CCBE1: variants seen among roughly 807,000 people sequenced by gnomAD.
CCBE1 encodes the protein collagen and calcium-binding EGF domain-containing protein 1.
Under a neutral mutation model 50.0 loss-of-function variants are expected in CCBE1, and 37 were observed. The observed-to-expected ratio is 0.74, with a 90% confidence interval of 0.57 to 0.97. The LOEUF (loss-of-function observed/expected upper bound fraction) is 0.97. Among genes scored for constraint, CCBE1 ranks in the 50% least tolerant of loss-of-function variants. The probability of loss-of-function intolerance (pLI) is 0.00; values close to 1 mark genes in which losing one functional copy is unlikely to be tolerated. For missense variants in CCBE1, 538 were observed against 523.8 expected, an observed-to-expected ratio of 1.03 and a Z score of -0.26; for synonymous variants, 234 against 203.7, an observed-to-expected ratio of 1.15 and a Z score of -1.27.
chr18:59,641,232 G>A (rs1238703335), intron 2 of CCBE1, among the ~76,000 whole-genome samples: 1 of 117,988 alleles, frequency 8.5e-6, no homozygotes, highest in African/African-American at 4.2e-5. Context: ...ACATTACAAT[G>A]GATAAAAAAA....
chr18:59,457,193 G>T (rs773805041), intron 5 of CCBE1, among the ~76,000 whole-genome samples: 1 of 152,308 alleles, frequency 6.6e-6, no homozygotes, highest in South Asian at 2.1e-4. Flanking sequence ...CTTTCTAGGC[G>T]AATTCCCGTA....
intron 2 of CCBE1, among the ~76,000 whole-genome samples, chr18:59,653,259 A>T (rs2054148699): frequency 1.3e-5 from 2 of 152,186 alleles, no homozygotes; most frequent in South Asian, 4.1e-4. Context: ...GGGTCTGGTG[A>T]GAACCAAACC....
intron 2 of CCBE1, among the ~76,000 whole-genome samples, chr18:59,669,728 CT>C (rs1187554277): frequency 6.6e-6 from 1 of 152,236 alleles, no homozygotes; most frequent in African/African-American, 2.4e-5. Context: ...TCTCCCCGAA[CT>C]TCCGGAGGGG....
At chr18:59,574,524 A>G (rs151260079) in intron 2 of CCBE1, among the ~76,000 whole-genome samples, 9 of 152,344 alleles carry the variant, frequency 5.9e-5, no homozygotes, top group African/African-American at 2.2e-4. Context: ...GATTTCACAA[A>G]CTTCCTCCCA....
At chr18:59,593,833 TC>T (rs2053310059) in intron 2 of CCBE1, among the ~76,000 whole-genome samples, 1 of 152,242 alleles carries the variant, frequency 6.6e-6, no homozygotes, top group African/African-American at 2.4e-5. Flanking sequence ...AACCCATTGG[TC>T]ACTGCAAGTA....
At position 59,685,003 on chromosome 18, in the gene CCBE1, T is replaced by TA. The variant is rs199761491; in HGVS notation, c.212+11625dup. Among the ~76,000 whole-genome samples, 132 of 151,724 alleles carry TA rather than the reference T, an allele frequency of 8.7e-4. 2 individuals are homozygous for TA. Among genetic ancestry groups the TA allele is most frequent in the African/African-American group, 2.7e-3 (112 of 41,412 alleles). Reference sequence around the variant, plus strand: ...CATGTAGATGTCCCATCATACCATGTAAAAAAAAATGTGTTTGATACTCAC... The same window carrying TA: ...CATGTAGATGTCCCATCATACCATGTAAAAAAAAAATGTGTTTGATACTCAC... On this transcript the variant is annotated intron_variant, in intron 2 of 10. Transcript: ENST00000439986.
chr18:59,628,629 A>T (rs2053816133), intron 2 of CCBE1, among the ~76,000 whole-genome samples: 1 of 152,130 alleles, frequency 6.6e-6, no homozygotes, highest in South Asian at 2.1e-4. Context: ...ACGTTCCAAA[A>T]CCTGGGATCA....
rs1910035499 is a variant in CCBE1, at chr18:59,433,891, C to CTTTTTTTGTTTTT, written c.*2016_*2017insAAAAACAAAAAAA. ...ACAGGCATGAGCCACCAAGCCCGGC[C>CTTTTTTTGTTTTT]TTTTTTTTTTTTTTTTTTTTTTTTT... On this transcript the variant is annotated 3_prime_UTR_variant, in exon 11 of 11. Coordinates refer to ENST00000439986, the MANE Select transcript of CCBE1 (RefSeq NM_133459.4). 1.4e-5 allele frequency: 1 copy of CTTTTTTTGTTTTT among 70,064 alleles called. No homozygotes were observed. The highest frequency in any genetic ancestry group is 6.1e-5 in the African/African-American group (1 of 16,450). The allele number at this position is 70,064 out of a possible 1,614,324, so 4.3% of individuals were successfully genotyped here.
At chr18:59,539,207 CA>C (rs556723864) in intron 2 of CCBE1, among the ~76,000 whole-genome samples, 1 of 131,654 alleles carries the variant, frequency 7.6e-6, no homozygotes, top group African/African-American at 2.9e-5. Context: ...ACACAAAAAA[CA>C]AAAAAAAACA....
At chr18:59,629,693 T>C (rs2053827577) in intron 2 of CCBE1, among the ~76,000 whole-genome samples, 2 of 152,338 alleles carry the variant, frequency 1.3e-5, no homozygotes, top group Admixed American at 6.5e-5. Context: ...AACAGCATAG[T>C]ATTCTCGAGT....
chr18:59,658,159 A>G (rs1229679653), intron 2 of CCBE1, among the ~76,000 whole-genome samples: 1 of 149,722 alleles, frequency 6.7e-6, no homozygotes, highest in Non-Finnish European at 1.5e-5. Flanking sequence ...TGTGAGGATG[A>G]AATGAACAAA....
chr18:59,650,457 A>G (rs910351431), intron 2 of CCBE1, among the ~76,000 whole-genome samples: 2 of 151,504 alleles, frequency 1.3e-5, no homozygotes, highest in South Asian at 2.1e-4. Flanking sequence ...GAAACTCCCA[A>G]CGTGACTGGG....
intron 2 of CCBE1, among the ~76,000 whole-genome samples, chr18:59,595,670 A>T (rs2053340182): frequency 6.6e-6 from 1 of 152,246 alleles, no homozygotes; most frequent in Non-Finnish European, 1.5e-5. Context: ...AAATAACTTT[A>T]AAAGGTAAAC....
intron 2 of CCBE1, among the ~76,000 whole-genome samples, chr18:59,551,397 G>T (rs1020561362): frequency 1.3e-5 from 2 of 152,210 alleles, no homozygotes; most frequent in Admixed American, 1.3e-4. Flanking sequence ...GGTGAGTGAG[G>T]AATGAATGTG....
chr18:59,559,951 C>A lies in CCBE1; in HGVS notation c.213-79713G>T, dbSNP rs914012429. Among the ~76,000 whole-genome samples the A allele has an allele frequency of 5.3e-5, 8 of 152,090 alleles. No individual in the cohort carries two copies. In the East Asian group the frequency reaches 1.5e-3, roughly 29 times the overall value. On this transcript the variant is annotated intron_variant, in intron 2 of 10. Coordinates refer to ENST00000439986, the MANE Select transcript of CCBE1 (RefSeq NM_133459.4). ...TCCACCAAGAGCCAGGAACGGTTTGCCTTCATGGGAGGGTGACAATGGACT... is the reference window on the plus strand; with the variant it reads ...TCCACCAAGAGCCAGGAACGGTTTGACTTCATGGGAGGGTGACAATGGACT...
chr18:59,448,540 G>A (rs1347408840), intron 6 of CCBE1, among the ~76,000 whole-genome samples: 1 of 152,140 alleles, frequency 6.6e-6, no homozygotes, highest in Non-Finnish European at 1.5e-5. Flanking sequence ...CTCAGCCTTG[G>A]GAGTTAGGAC....
intron 9 of CCBE1, 129 bp from the exon 10 acceptor site, chr18:59,438,275 T>G: frequency 1.2e-6 from 1 of 869,472 alleles, no homozygotes; most frequent in Non-Finnish European, 1.9e-6. Context: ...AAAACATATG[T>G]AAAACTGAGC....
intron 2 of CCBE1, among the ~76,000 whole-genome samples, chr18:59,532,152 G>A (rs1443341156): frequency 1.3e-5 from 2 of 152,112 alleles, no homozygotes; most frequent in Admixed American, 1.3e-4. Context: ...TGCAACCTCT[G>A]TCTCCTGGAT....
intron 2 of CCBE1, among the ~76,000 whole-genome samples, chr18:59,499,536 C>T (rs532065736): frequency 3.5e-4 from 54 of 152,194 alleles, no homozygotes; most frequent in East Asian, 7.7e-4. Flanking sequence ...CTTACATGGA[C>T]GGCAACAGGC....
Sources: gnomAD v4.1 joint callset for allele counts (sites outside exome capture counted in the v4.1 genomes callset) on GRCh38, gnomAD v4.1.1 for gene constraint, MANE v1.5 for transcripts, NCBI Gene and HGNC (gene_info 2026-07-23, HGNC 2026-07-21) for gene names.